PDE1A: variants seen among roughly 807,000 people sequenced by gnomAD.
The protein encoded by PDE1A is dual specificity calcium/calmodulin-dependent 3',5'-cyclic nucleotide phosphodiesterase 1A.
In PDE1A, 35 loss-of-function variants were observed where a neutral mutation model predicts 61.7. That is an observed-to-expected ratio of 0.57 (90% CI 0.43 to 0.75). PDE1A has a LOEUF of 0.75. Among genes scored for constraint, PDE1A ranks in the 30% least tolerant of loss-of-function variants. PDE1A has a pLI of 0.00. For synonymous variants in PDE1A, 232 were observed against 213.2 expected (o/e 1.09, Z -0.77); for missense variants, 597 against 630.6 (o/e 0.95, Z 0.57).
intron 2 of PDE1A, among the ~76,000 whole-genome samples, chr2:182,485,166 C>T (rs1268326828): frequency 6.6e-6 from 1 of 152,014 alleles, no homozygotes; most frequent in Non-Finnish European, 1.5e-5. Context: ...ACATATACAC[C>T]ATGGCATACT....
chr2:182,329,258 T>A (rs965544953), intron 1 of PDE1A, among the ~76,000 whole-genome samples: 1 of 152,218 alleles, frequency 6.6e-6, no homozygotes, highest in Non-Finnish European at 1.5e-5. Flanking sequence ...AGTTGTTCCT[T>A]GAATATGTCA....
intron 13 of PDE1A, among the ~76,000 whole-genome samples, chr2:182,158,944 A>C (rs1471651771): frequency 3.9e-5 from 6 of 152,320 alleles, no homozygotes; most frequent in South Asian, 2.1e-4. Context: ...CATTTTTTGC[A>C]TAATTACTGG....
the PDE1A span, among the ~76,000 whole-genome samples, chr2:182,582,484 A>C: frequency 6.6e-6 from 1 of 152,252 alleles, no homozygotes; most frequent in African/African-American, 2.4e-5. Context: ...TATCAAAGGC[A>C]CTACAGAAAC....
chr2:182,338,290 T>TA lies in PDE1A; in HGVS notation c.54-73877dup, dbSNP rs369997712. On this transcript the variant is annotated intron_variant, in intron 1 of 13. Transcript: ENST00000351439. Reference sequence around the variant, plus strand: ...CTTTGGGTCTCAGCTTTCTCATCTGTAAAATAGGTATAATATCACTCACTT... The same window carrying TA: ...CTTTGGGTCTCAGCTTTCTCATCTGTAAAAATAGGTATAATATCACTCACTT... 2.5e-3 allele frequency among the ~76,000 whole-genome samples: 378 copies of TA among 152,320 alleles called. 3 individuals carry two copies. Among genetic ancestry groups the TA allele is most frequent in the African/African-American group, 8.5e-3 (355 of 41,570 alleles).
the PDE1A span, among the ~76,000 whole-genome samples, chr2:182,532,080 A>G: frequency 4.6e-5 from 7 of 151,438 alleles, no homozygotes; most frequent in Non-Finnish European, 7.4e-5. Context: ...GATGTGTACT[A>G]CAACATGTAT....
At chr2:182,347,960 G>A (rs1190401693) in intron 1 of PDE1A, among the ~76,000 whole-genome samples, 6 of 152,126 alleles carry the variant, frequency 3.9e-5, no homozygotes, top group Admixed American at 2.6e-4. Context: ...GAAGCAACAC[G>A]TAGTTTTGGG....
chr2:182,496,496 A>G (rs1018113060), intron 2 of PDE1A, among the ~76,000 whole-genome samples: 1 of 152,210 alleles, frequency 6.6e-6, no homozygotes, highest in Admixed American at 6.5e-5. Flanking sequence ...ATGATAGATA[A>G]TTTAGGTTGA....
At position 182,405,095 on chromosome 2, in the gene PDE1A, C is replaced by A. The variant is rs114802953; in HGVS notation, c.53+21483G>T. 9.9e-3 allele frequency among the ~76,000 whole-genome samples: 1,507 copies of A among 152,188 alleles called. 26 individuals are homozygous for A. Among genetic ancestry groups the A allele is most frequent in the African/African-American group, 0.034 (1,422 of 41,482 alleles). On this transcript the variant is annotated intron_variant, in intron 1 of 13. Transcript: ENST00000351439. Reference sequence around the variant, plus strand: ...TTGTGCTATCACATATGATGGCTACCATGTCACTAAGCAATAGGATTTTTC... The same window carrying A: ...TTGTGCTATCACATATGATGGCTACAATGTCACTAAGCAATAGGATTTTTC...
upstream of PDE1A, among the ~76,000 whole-genome samples, chr2:182,527,325 AAAATATATATATATAT>A (rs1218333141): frequency 2.3e-3 from 87 of 38,106 alleles, 6 homozygotes; most frequent in Non-Finnish European, 3.0e-3. Flanking sequence ...AAAAAAAAAA[AAAATATATATATATAT>A]ATATATATAT....
At chr2:182,498,003 G>A (rs772153880) in intron 2 of PDE1A, among the ~76,000 whole-genome samples, 33 of 138,076 alleles carry the variant, frequency 2.4e-4, no homozygotes, top group Non-Finnish European at 3.0e-4. Flanking sequence ...CCGAGATCGC[G>A]CCACTGCACC....
At chr2:182,525,401 A>G (rs114048609), upstream of PDE1A, among the ~76,000 whole-genome samples, 4,364 of 152,202 alleles carry the variant, frequency 0.029, 202 homozygotes, top group African/African-American at 0.1. Flanking sequence ...TTGTGTCACT[A>G]GGTTTATTGG....
intron 3 of PDE1A, among the ~76,000 whole-genome samples, chr2:182,237,358 T>C (rs1690109090): frequency 6.6e-6 from 1 of 151,972 alleles, no homozygotes; most frequent in Admixed American, 6.6e-5. Context: ...TAGCCGTGCG[T>C]GGTGGCATGC....
chr2:182,665,369 C>A, the PDE1A span, among the ~76,000 whole-genome samples: 3 of 151,822 alleles, frequency 2.0e-5, no homozygotes, highest in Non-Finnish European at 4.4e-5. Flanking sequence ...AACAAATTTA[C>A]AGGAAAAAAA....
intron 1 of PDE1A, among the ~76,000 whole-genome samples, chr2:182,288,891 CT>C (rs1349359054): frequency 6.6e-6 from 1 of 152,054 alleles, no homozygotes; most frequent in Non-Finnish European, 1.5e-5. Flanking sequence ...TTTTGAAAGA[CT>C]TTTAAAAATA....
chr2:182,499,917 G>GAA (rs1559518132), intron 2 of PDE1A, among the ~76,000 whole-genome samples: 1 of 152,186 alleles, frequency 6.6e-6, no homozygotes, highest in Non-Finnish European at 1.5e-5. Flanking sequence ...GCAAAGGGCA[G>GAA]TCCCAGGGGA....
intron 2 of PDE1A, among the ~76,000 whole-genome samples, chr2:182,516,426 G>A (rs1022985609): frequency 2.0e-5 from 3 of 151,958 alleles, no homozygotes; most frequent in Admixed American, 2.0e-4. Context: ...TGAGGTCAGC[G>A]AATCACTTGA....
chr2:182,172,185 G>A (rs769030010), intron 13 of PDE1A, among the ~76,000 whole-genome samples: 6 of 151,954 alleles, frequency 3.9e-5, no homozygotes, highest in Non-Finnish European at 8.8e-5. Context: ...TTTCATTTAT[G>A]TGGACTCACC....
the PDE1A span, among the ~76,000 whole-genome samples, chr2:182,535,158 C>T: frequency 2.0e-5 from 3 of 151,912 alleles, no homozygotes; most frequent in South Asian, 6.2e-4. Flanking sequence ...TATGTAAGTC[C>T]TACAGTTTTA....
intron 1 of PDE1A, among the ~76,000 whole-genome samples, chr2:182,351,652 G>A (rs535487634): frequency 6.6e-6 from 1 of 152,150 alleles, no homozygotes; most frequent in Non-Finnish European, 1.5e-5. Context: ...GGTGTTTCAA[G>A]TGTCAGCGTT....
Sources: allele counts gnomAD v4.1 joint callset (sites outside exome capture counted in the v4.1 genomes callset), GRCh38; gene constraint gnomAD v4.1.1; transcripts MANE v1.5; gene names NCBI Gene and HGNC (gene_info 2026-07-23, HGNC 2026-07-21).